The following PRORP variants were observed in gnomAD, a reference collection of about 807,000 sequenced individuals.
PRORP encodes mitochondrial ribonuclease P catalytic subunit.
A neutral mutation model predicts 59.4 loss-of-function variants in PRORP; 51 were observed. The ratio of observed to expected loss-of-function variants is 0.86; its 90% CI spans 0.69 to 1.08. The LOEUF is 1.08. Among genes scored for constraint, PRORP ranks in the 50% least tolerant of loss-of-function variants. The probability of loss-of-function intolerance (pLI) is 0.00; values close to 1 mark genes in which losing one functional copy is unlikely to be tolerated. For missense variants in PRORP, 646 were observed against 690.3 expected (o/e 0.94, Z 0.72); for synonymous variants, 231 against 245.6 (o/e 0.94, Z 0.55).
intron 3 of PRORP, among the ~76,000 whole-genome samples, chr14:35,127,152 G>A (rs1204387319): frequency 1.3e-5 from 2 of 152,042 alleles, no homozygotes; most frequent in African/African-American, 4.8e-5. Context: ...AGCACTTTGG[G>A]AGGCCGAGGC....
chr14:35,177,853 A>G (rs1477539480), intron 4 of PRORP, among the ~76,000 whole-genome samples: 1 of 151,978 alleles, frequency 6.6e-6, no homozygotes, highest in Non-Finnish European at 1.5e-5. Context: ...TCGATTTTAG[A>G]TCTTTCCTGC....
intron 5 of PRORP, among the ~76,000 whole-genome samples, chr14:35,265,138 G>A (rs1434053191): frequency 6.6e-6 from 1 of 152,126 alleles, no homozygotes; most frequent in Non-Finnish European, 1.5e-5. Context: ...TTTTATTGAT[G>A]ATAGGACTTT....
At chr14:35,182,630 G>A (rs760238840) in intron 5 of PRORP, among the ~76,000 whole-genome samples, 3 of 152,216 alleles carry the variant, frequency 2.0e-5, no homozygotes, top group South Asian at 2.1e-4. Context: ...GGGCGACAGA[G>A]TGAGACTCCT....
At chr14:35,244,642 G>A (rs8010490) in intron 5 of PRORP, among the ~76,000 whole-genome samples, 1,543 of 152,102 alleles carry the variant, frequency 0.01, 28 homozygotes, top group African/African-American at 0.035. Flanking sequence ...GTGTGTGCGC[G>A]CATAAAATAT....
chr14:35,199,360 G>A (rs1002245608), intron 5 of PRORP, among the ~76,000 whole-genome samples: 8 of 150,354 alleles, frequency 5.3e-5, no homozygotes, highest in African/African-American at 2.0e-4. Context: ...AAAAATTATA[G>A]TGAGTACTTG....
At chr14:35,266,986 C>A (rs2051058506) in intron 6 of PRORP, 111 bp downstream of exon 6, 2 of 953,622 alleles carry the variant, frequency 2.1e-6, no homozygotes, top group Non-Finnish European at 1.4e-6. Flanking sequence ...GTATACTCAC[C>A]CTCATTAAAA....
intron 5 of PRORP, among the ~76,000 whole-genome samples, chr14:35,264,517 C>A (rs1394977474): frequency 6.6e-6 from 1 of 151,984 alleles, no homozygotes; most frequent in Non-Finnish European, 1.5e-5. Flanking sequence ...CTCATCCTCC[C>A]ACAGTGCCGA....
At chr14:35,268,251 A>G (rs747690174) in intron 6 of PRORP, among the ~76,000 whole-genome samples, 10 of 150,764 alleles carry the variant, frequency 6.6e-5, no homozygotes, top group Non-Finnish European at 1.2e-4. Flanking sequence ...AGGCTGAGGC[A>G]GCAGAATCAC....
intron 5 of PRORP, among the ~76,000 whole-genome samples, chr14:35,248,950 C>G (rs918043935): frequency 6.6e-6 from 1 of 152,136 alleles, no homozygotes; most frequent in African/African-American, 2.4e-5. Context: ...TTTTTTTCCA[C>G]TGTACATTTT....
chr14:35,211,738 TG>T lies in PRORP; in HGVS notation c.1275+30963del, dbSNP rs1421224753. 2.4e-4 allele frequency among the ~76,000 whole-genome samples: 36 copies of T among 152,334 alleles called. No homozygotes were observed. The East Asian group carries it at 6.7e-3, about 29-fold the overall frequency. Reference sequence around the variant, plus strand: ...TCAGGGCATCCTAATATTTTTTTCTTGGAGGATCTTGGCCTCAGTGTTGATG... The same window carrying T: ...TCAGGGCATCCTAATATTTTTTTCTTGAGGATCTTGGCCTCAGTGTTGATG... On this transcript the variant is annotated intron_variant, in intron 5 of 7. Coordinates refer to ENST00000534898, the MANE Select transcript of PRORP (RefSeq NM_014672.4).
Position 35,127,529 on chromosome 14 carries a change from C to T in PRORP, c.1085C>T (p.Pro362Leu), listed in dbSNP as rs1261972807. ...ACCATAGAGTCTATTCAGCTGAGTC[C>T]AGAAGAATATGAATGTCTTAAGGGA... ...GKTIESIQLSPEEYECLKGKI... is the reference protein window; with the variant it reads ...GKTIESIQLSLEEYECLKGKI... The change falls in exon 4 of 8, where the codon CCA (proline) becomes CTA (leucine). Residue 362 changes from proline (P) to leucine (L), a missense_variant. Pro to Leu is a moderately conservative substitution (Grantham distance 98). Transcript: ENST00000534898. 1.2e-6 allele frequency: 2 copies of T among 1,613,462 alleles called. No homozygotes were observed. The highest frequency in any genetic ancestry group is 1.1e-5 in the South Asian group (1 of 91,062).
At chr14:35,218,096 C>A (rs933440287) in intron 5 of PRORP, among the ~76,000 whole-genome samples, 2 of 152,042 alleles carry the variant, frequency 1.3e-5, no homozygotes, top group South Asian at 2.1e-4. Context: ...GTTTTAGTTT[C>A]TTCTGCAAAT....
intron 5 of PRORP, among the ~76,000 whole-genome samples, chr14:35,183,276 G>A (rs2048664082): frequency 6.6e-6 from 1 of 151,792 alleles, no homozygotes; most frequent in African/African-American, 2.4e-5. Flanking sequence ...GTTACCTTTG[G>A]GAATTGGGGA....
intron 5 of PRORP, among the ~76,000 whole-genome samples, chr14:35,191,552 C>T (rs1246552997): frequency 4.6e-5 from 7 of 151,978 alleles, no homozygotes; most frequent in Non-Finnish European, 8.8e-5. Flanking sequence ...AGATCAAAAA[C>T]ATTAGCTGGA....
chr14:35,253,929 C>T (rs917520995), intron 5 of PRORP, among the ~76,000 whole-genome samples: 6 of 151,808 alleles, frequency 4.0e-5, no homozygotes, highest in African/African-American at 9.7e-5. Flanking sequence ...TGTCCTGTTA[C>T]GGCTCATCTA....
chr14:35,243,694 T>C (rs79322361), intron 5 of PRORP, among the ~76,000 whole-genome samples: 2,608 of 152,320 alleles, frequency 0.017, 79 homozygotes, highest in African/African-American at 0.057. Context: ...CTAGTTCTGC[T>C]ACTTACTGGC....
At chr14:35,261,245 C>G (rs1485564888) in intron 5 of PRORP, among the ~76,000 whole-genome samples, 1 of 152,104 alleles carries the variant, frequency 6.6e-6, no homozygotes, top group Non-Finnish European at 1.5e-5. Flanking sequence ...GTACTGAGGT[C>G]CCCAGCCAGT....
intron 5 of PRORP, among the ~76,000 whole-genome samples, chr14:35,201,992 C>G (rs1200433165): frequency 7.0e-6 from 1 of 142,968 alleles, no homozygotes; most frequent in Non-Finnish European, 1.5e-5. Flanking sequence ...TTTTTTGAGA[C>G]AGAGTCTCGA....
At chr14:35,184,977 T>G (rs932752727) in intron 5 of PRORP, among the ~76,000 whole-genome samples, 1 of 152,216 alleles carries the variant, frequency 6.6e-6, no homozygotes, top group Non-Finnish European at 1.5e-5. Context: ...AGTACTGCAG[T>G]GAACATTCAT....
Sources: gnomAD v4.1 joint callset for allele counts (sites outside exome capture counted in the v4.1 genomes callset) on GRCh38, gnomAD v4.1.1 for gene constraint, MANE v1.5 for transcripts, NCBI Gene and HGNC (gene_info 2026-07-23, HGNC 2026-07-21) for gene names.